The following SEMA3A variants were observed in gnomAD, a reference collection of about 807,000 sequenced individuals.
The protein encoded by SEMA3A is semaphorin-3A.
Under a neutral mutation model 97.9 loss-of-function variants are expected in SEMA3A, and 29 were observed. That is an observed-to-expected ratio of 0.30 (90% CI 0.22 to 0.40). SEMA3A has a LOEUF of 0.40. SEMA3A is among the 10% of genes least tolerant of loss of function. The pLI is 1.00. For missense variants in SEMA3A, 763 were observed against 951.3 expected (o/e 0.80, Z 2.60); for synonymous variants, 321 against 323.7 (o/e 0.99, Z 0.09).
At chr7:84,163,943 T>C (rs1277575603) in intron 1 of SEMA3A, among the ~76,000 whole-genome samples, 2 of 151,906 alleles carry the variant, frequency 1.3e-5, no homozygotes, top group Non-Finnish European at 2.9e-5. Context: ...CCTCCTGGGT[T>C]CAAGTGATTC....
chr7:84,128,644 G>A (rs189541736), intron 3 of SEMA3A, among the ~76,000 whole-genome samples: 4 of 152,212 alleles, frequency 2.6e-5, no homozygotes, highest in Admixed American at 2.6e-4. Context: ...GGGTGATTAA[G>A]TTTAAAAGTA....
In SEMA3A at chr7:84,326,769, T is replaced by G. The variant is rs1221767539; in HGVS notation, c.-168-19477A>C. On this transcript the variant is annotated intron_variant, in intron 2 of 3. Coordinates refer to the SEMA3A transcript ENST00000424555. ...GTGCTGGGATAGCTGACTAGCCATA[T>G]GCAGTAGACTGAAGCTGGATCTCTT... 5.3e-5 allele frequency among the ~76,000 whole-genome samples: 8 copies of G among 152,186 alleles called. No individual in the cohort carries two copies. The South Asian group carries it at 1.4e-3, about 28-fold the overall frequency.
chr7:84,221,401 C>G (rs1384866377), intron 3 of SEMA3A, among the ~76,000 whole-genome samples: 1 of 152,120 alleles, frequency 6.6e-6, no homozygotes. Context: ...GAATTTGCTT[C>G]AAGAACTTCT....
At chr7:84,050,016 C>T (rs1294913941) in intron 5 of SEMA3A, among the ~76,000 whole-genome samples, 1 of 151,414 alleles carries the variant, frequency 6.6e-6, no homozygotes, top group Non-Finnish European at 1.5e-5. Context: ...TTTCCAGTTT[C>T]ATCCATGTCC....
chr7:84,015,580 C>A (rs1478225763), intron 6 of SEMA3A, among the ~76,000 whole-genome samples: 1 of 152,154 alleles, frequency 6.6e-6, no homozygotes, highest in Non-Finnish European at 1.5e-5. Context: ...AATAATCTAC[C>A]TTTATCCCTT....
intron 4 of SEMA3A, among the ~76,000 whole-genome samples, chr7:84,089,496 T>C (rs1794494608): frequency 7.3e-6 from 1 of 136,084 alleles, no homozygotes; most frequent in Non-Finnish European, 1.7e-5. Flanking sequence ...TTAATGTAAT[T>C]ATGGGTTTGG....
At chr7:84,283,412 G>A (rs530880569) in intron 3 of SEMA3A, among the ~76,000 whole-genome samples, 4 of 152,108 alleles carry the variant, frequency 2.6e-5, no homozygotes, top group African/African-American at 7.2e-5. Context: ...TACTGTTAAT[G>A]TTACACATCA....
chr7:84,419,762 T>A (rs1804534886), intron 1 of SEMA3A, among the ~76,000 whole-genome samples: 1 of 152,104 alleles, frequency 6.6e-6, no homozygotes, highest in Non-Finnish European at 1.5e-5. Context: ...ATAACTAAAT[T>A]GAAAATTTCG....
chr7:84,487,304 G>C (rs1431224737), intron 1 of SEMA3A, among the ~76,000 whole-genome samples: 2 of 152,046 alleles, frequency 1.3e-5, no homozygotes, highest in African/African-American at 4.8e-5. Flanking sequence ...CTGTGAGTTG[G>C]GTTGATTGTT....
At chr7:84,160,254 TATCTATCTATCTATCTATCTATC>T (rs1156458748) in intron 1 of SEMA3A, among the ~76,000 whole-genome samples, 1 of 149,016 alleles carries the variant, frequency 6.7e-6, no homozygotes, top group African/African-American at 2.4e-5. Flanking sequence ...TCTATCTATC[TATCTATCTATCTATCTATCTATC>T]GTTAGTTCGT....
In SEMA3A at chr7:84,333,818, C is replaced by T. The variant is rs561904040; in HGVS notation, c.-168-26526G>A. Reference sequence around the variant, plus strand: ...GTTATAATTTAAATGAATTCTAAGCCTTGGGGCATCAGGGAAGTTATTTTT... The same window carrying T: ...GTTATAATTTAAATGAATTCTAAGCTTTGGGGCATCAGGGAAGTTATTTTT... On this transcript the variant is annotated intron_variant, in intron 2 of 3. Coordinates refer to the SEMA3A transcript ENST00000424555. 5.9e-5 allele frequency among the ~76,000 whole-genome samples: 9 copies of T among 152,146 alleles called. No individual in the cohort carries two copies. The South Asian group carries it at 1.9e-3, about 32-fold the overall frequency.
At chr7:84,013,067 C>A (rs140975380) in intron 7 of SEMA3A, among the ~76,000 whole-genome samples, 1 of 151,896 alleles carries the variant, frequency 6.6e-6, no homozygotes, top group Admixed American at 6.6e-5. Flanking sequence ...ATTGGGGTAA[C>A]GGGTCACACA....
upstream of SEMA3A, among the ~76,000 whole-genome samples, chr7:84,197,780 C>G (rs944073489): frequency 2.0e-5 from 3 of 149,124 alleles, no homozygotes; most frequent in African/African-American, 7.4e-5. Flanking sequence ...CGCTCCGTCC[C>G]CCAGGCTGGA....
At chr7:84,218,226 A>G (rs1022022753) in intron 3 of SEMA3A, among the ~76,000 whole-genome samples, 9 of 152,088 alleles carry the variant, frequency 5.9e-5, no homozygotes, top group African/African-American at 2.2e-4. Context: ...CTTGATCTGC[A>G]TATTGCAGAT....
intron 3 of SEMA3A, among the ~76,000 whole-genome samples, chr7:84,291,832 T>G (rs1251745060): frequency 2.0e-5 from 3 of 152,172 alleles, no homozygotes; most frequent in Admixed American, 2.0e-4. Flanking sequence ...CTAAAGAGTT[T>G]ATTCCTTTGG....
At chr7:84,460,899 T>C (rs914117564) in intron 1 of SEMA3A, among the ~76,000 whole-genome samples, 11 of 152,180 alleles carry the variant, frequency 7.2e-5, no homozygotes, top group African/African-American at 2.7e-4. Flanking sequence ...AAGTGCAAAA[T>C]TGAGTCACAT....
intron 5 of SEMA3A, among the ~76,000 whole-genome samples, chr7:84,049,965 T>C (rs1443203072): frequency 6.7e-6 from 1 of 148,662 alleles, no homozygotes; most frequent in Non-Finnish European, 1.5e-5. Flanking sequence ...ATATGCGGTG[T>C]TTGGTTTTTT....
chr7:84,279,164 TCAAAGTACTTA>T (rs1242599541), intron 3 of SEMA3A, among the ~76,000 whole-genome samples: 2 of 152,230 alleles, frequency 1.3e-5, no homozygotes, highest in South Asian at 2.1e-4. Context: ...GTATCTCTCT[TCAAAGTACTTA>T]CTGATTGCAA....
chr7:83,965,666 ATTTTTTTTTTTTTTTTTT>A (rs1181530901), intron 15 of SEMA3A, among the ~76,000 whole-genome samples: 1 of 11,794 alleles, frequency 8.5e-5, no homozygotes, highest in Non-Finnish European at 1.6e-4. Flanking sequence ...ATATATATAT[ATTTTTTTTTTTTTTTTTT>A]TTTTTTTTTT....
Sources: gnomAD v4.1 joint callset for allele counts (sites outside exome capture counted in the v4.1 genomes callset) on GRCh38, gnomAD v4.1.1 for gene constraint, MANE v1.5 for transcripts, NCBI Gene and HGNC (gene_info 2026-07-23, HGNC 2026-07-21) for gene names.